FKBP10: variants seen among roughly 807,000 people sequenced by gnomAD.
FKBP10 encodes the protein peptidyl-prolyl cis-trans isomerase FKBP10.
A neutral mutation model predicts 53.7 loss-of-function variants in FKBP10; 34 were observed. That is an observed-to-expected ratio of 0.63 (90% CI 0.48 to 0.84). FKBP10 has a LOEUF of 0.84. Among genes scored for constraint, FKBP10 ranks in the 40% least tolerant of loss-of-function variants. FKBP10 has a pLI of 0.00. For missense variants in FKBP10, 748 were observed against 797.8 expected (o/e 0.94, Z 0.75); for synonymous variants, 324 against 335.7 (o/e 0.97, Z 0.38).
Position 41,813,078 on chromosome 17 carries a change from C to A in FKBP10, c.44C>A (p.Pro15His). ...CCCAGCCACAGCCTCCTCCGGCTCCCCCTGCTGCAGTTGCTGCTACTGGTG... is the reference window on the plus strand; with the variant it reads ...CCCAGCCACAGCCTCCTCCGGCTCCACCTGCTGCAGTTGCTGCTACTGGTG... The part of the protein sequence containing the change: ...GPPSHSLLRL[P>H]LLQLLLLVVQ... The change falls in exon 1 of 10, where the codon CCC becomes CAC. Residue 15 changes from proline (P) to histidine (H), a missense_variant. Physicochemically the swap from Pro to His is moderately conservative, Grantham distance 77. Transcript: ENST00000321562. The A allele has an allele frequency of 6.2e-7, 1 of 1,610,714 alleles. No homozygotes were observed. The highest frequency in any genetic ancestry group is 8.5e-7 in the Non-Finnish European group (1 of 1,179,710).
Position 41,819,576 on chromosome 17 carries a change from A to T in FKBP10, c.964A>T (p.Ile322Phe), listed in dbSNP as rs782177446. The change falls in exon 6 of 10, where the codon ATC becomes TTC. Residue 322 changes from isoleucine (I) to phenylalanine (F), a missense_variant. Ile to Phe is a conservative substitution (Grantham distance 21). Transcript: ENST00000321562. ...CAATACCTATATCGGGCAGGGTTAC[A>T]TCATCCCCGGGATGGACCAGGGGCT... ...TYNTYIGQGY[I>F]IPGMDQGLQG... 6.2e-7 allele frequency: 1 copy of T among 1,614,066 alleles called. No homozygotes were observed. Among genetic ancestry groups the T allele is most frequent in the South Asian group, 1.1e-5 (1 of 91,066 alleles).
At chr17:41,819,020 G>C in intron 4 of FKBP10, 190 bp from the exon 5 acceptor site, 2 of 618,678 alleles carry the variant, frequency 3.2e-6, no homozygotes, top group Non-Finnish European at 5.7e-6. Flanking sequence ...AGTATGAGCC[G>C]GTGGTGGCCC....
chr17:41,813,698 ACT>A (rs1486345505), intron 1 of FKBP10, among the ~76,000 whole-genome samples: 1 of 151,756 alleles, frequency 6.6e-6, no homozygotes, highest in Non-Finnish European at 1.5e-5. Context: ...TTCTGGTTCC[ACT>A]GTTTTCAGTG....
chr17:41,818,370 C>T lies in FKBP10; in HGVS notation c.582-12C>T. 2 of 1,614,206 alleles carry T rather than the reference C, an allele frequency of 1.2e-6. No individual in the cohort carries two copies. The highest frequency in any genetic ancestry group is 1.1e-5 in the South Asian group (1 of 91,082). On this transcript the variant is annotated splice_polypyrimidine_tract_variant and intron_variant, in intron 3 of 9. Transcript: ENST00000321562. ...CAGCCTGCCTCTCCCACCTCCACCT[C>T]ATTTTCTGCAGCTACAGTAAGGGCG...
intron 4 of FKBP10, chr17:41,819,007 C>A: frequency 1.7e-6 from 1 of 596,286 alleles, no homozygotes; most frequent in Non-Finnish European, 3.0e-6. Flanking sequence ...CACACGAAGG[C>A]TCAGTATGAG....
chr17:41,819,681 G>C lies in FKBP10; in HGVS notation c.1063+6G>C. 6.3e-7 allele frequency: 1 copy of C among 1,594,822 alleles called. No homozygotes were observed. The highest frequency in any genetic ancestry group is 1.1e-5 in the South Asian group (1 of 88,768). ...CTATGGGGAGAATGGAACTGGTAGG[G>C]GCGTTCCCCAGCCACCACCTCAGCT... On this transcript the variant is annotated splice_donor_region_variant and intron_variant, in intron 6 of 9. Coordinates refer to ENST00000321562, the MANE Select transcript of FKBP10 (RefSeq NM_021939.4).
At position 41,821,730 on chromosome 17, in the gene FKBP10, C is replaced by CT. The variant is rs782532142; in HGVS notation, c.1477dup (p.Tyr493LeufsTer15). 6.2e-7 allele frequency: 1 copy of CT among 1,614,168 alleles called. No homozygotes were observed. The highest frequency in any genetic ancestry group is 8.5e-7 in the Non-Finnish European group (1 of 1,180,020). On this transcript the variant is annotated frameshift_variant, in exon 9 of 10. Transcript: ENST00000321562. LOFTEE classifies it high-confidence loss of function. ...CCCGGGAGGATGGGCTGCCCACAGG[C>CT]TACCTGTTTGTGTGGCACAAGGACC...
chr17:41,820,279 C>T lies in FKBP10; in HGVS notation c.1074C>T (p.Ile358=). 5 of 1,614,188 alleles carry T rather than the reference C, an allele frequency of 3.1e-6. No individual in the cohort carries two copies. The highest frequency in any genetic ancestry group is 4.2e-6 in the Non-Finnish European group (5 of 1,180,026). The change falls in exon 7 of 10, where the codon ATC becomes ATT. Residue 358 remains isoleucine, a synonymous_variant. Coordinates refer to ENST00000321562, the MANE Select transcript of FKBP10 (RefSeq NM_021939.4). ...AYGENGTGDK[I]PGSAVLIFNV... is the part of the protein sequence containing the mutation. Reference sequence around the variant, plus strand: ...CCATTCTGGCCTCAGGAGACAAGATCCCTGGCTCTGCCGTGCTAATCTTCA... The same window carrying T: ...CCATTCTGGCCTCAGGAGACAAGATTCCTGGCTCTGCCGTGCTAATCTTCA...
intron 1 of FKBP10, among the ~76,000 whole-genome samples, 155 bp from the exon 2 acceptor site, chr17:41,816,903 G>C (rs1227101068): frequency 3.3e-5 from 5 of 152,210 alleles, no homozygotes; most frequent in Non-Finnish European, 5.9e-5. Flanking sequence ...AGGGGGACTT[G>C]AAAAGGAGGT....
intron 6 of FKBP10, 166 bp from the exon 7 acceptor site, chr17:41,820,103 C>T: frequency 1.7e-6 from 2 of 1,210,004 alleles, no homozygotes; most frequent in Non-Finnish European, 1.2e-6. Flanking sequence ...GCCCCCTGCC[C>T]CAGTGAAAGT....
rs368309333 is a variant in FKBP10 at position 41,813,288 on chromosome 17, G to T, written c.245+9G>T. The T allele has an allele frequency of 3.1e-6, 5 of 1,613,402 alleles. No individual in the cohort carries two copies. The highest frequency in any genetic ancestry group is 2.2e-5 in the East Asian group (1 of 44,856). ...AAGAAGTTTGATTCAAGGTAACCCCGGTTGGGCGCCCCCGGATTCACCACT... is the reference window on the plus strand; with the variant it reads ...AAGAAGTTTGATTCAAGGTAACCCCTGTTGGGCGCCCCCGGATTCACCACT... On this transcript the variant is annotated intron_variant, in intron 1 of 9. Transcript: ENST00000321562.
At chr17:41,815,732 G>C (rs935109384) in intron 1 of FKBP10, among the ~76,000 whole-genome samples, 1 of 151,344 alleles carries the variant, frequency 6.6e-6, no homozygotes, top group Non-Finnish European at 1.5e-5. Flanking sequence ...TGGGATTACA[G>C]GCGTGAGCCA....
chr17:41,815,716 A>G (rs1164558171), intron 1 of FKBP10, among the ~76,000 whole-genome samples: 1 of 151,386 alleles, frequency 6.6e-6, no homozygotes, highest in East Asian at 1.9e-4. Context: ...CGGCCTCCCA[A>G]AGTGCTGGGA....
In FKBP10 at chr17:41,820,973, C is replaced by T. The variant is rs1373641830; in HGVS notation, c.1283C>T (p.Ala428Val). 24 of 1,611,958 alleles carry T rather than the reference C, an allele frequency of 1.5e-5. No homozygotes were observed. The highest frequency in any genetic ancestry group is 2.7e-5 in the African/African-American group (2 of 74,872). Residue 428 changes from alanine to valine, a missense_variant, in exon 8 of 10, where the codon GCG becomes GTG. Physicochemically the swap from Ala to Val is moderately conservative, Grantham distance 64. Transcript: ENST00000321562. ...CATGACTACGGGGCCCCCCAGGAGGCGACTCTCGGGGCCAACAAGGTGATC... is the reference window on the plus strand; with the variant it reads ...CATGACTACGGGGCCCCCCAGGAGGTGACTCTCGGGGCCAACAAGGTGATC... Reference protein sequence around the residue: ...TSHDYGAPQEATLGANKVIEG... With the variant: ...TSHDYGAPQEVTLGANKVIEG...
intron 2 of FKBP10, 97 bp downstream of exon 2, chr17:41,817,300 G>A: frequency 6.6e-7 from 1 of 1,515,960 alleles, no homozygotes; most frequent in South Asian, 1.2e-5. Flanking sequence ...GATGAGGAGT[G>A]ACTTGCCCAA....
Position 41,817,113 on chromosome 17 carries a change from G to A in FKBP10, c.301G>A (p.Gly101Ser). 2.5e-6 allele frequency: 4 copies of A among 1,614,164 alleles called. No homozygotes were observed. The highest frequency in any genetic ancestry group is 3.4e-6 in the Non-Finnish European group (4 of 1,180,054). ...IVVGVGRLIT[G>S]MDRGLMGMCV... ...GGTGGGTGTGGGGCGCCTCATCACT[G>A]GCATGGACCGAGGCCTCATGGGCAT... Residue 101 changes from glycine (G) to serine (S), a missense_variant, in exon 2 of 10, where the codon GGC (glycine) becomes AGC (serine). Gly to Ser is a moderately conservative substitution (Grantham distance 56, BLOSUM62 0). Coordinates refer to ENST00000321562, the MANE Select transcript of FKBP10 (RefSeq NM_021939.4).
chr17:41,818,796 A>G (rs1448333674), intron 4 of FKBP10: 3 of 451,938 alleles, frequency 6.6e-6, no homozygotes, highest in Non-Finnish European at 1.2e-5. Context: ...TCTACTAAAA[A>G]TACAAAAAAA....
Position 41,818,126 on chromosome 17 carries a change from T to G in FKBP10, c.429T>G (p.Asp143Glu), listed in dbSNP as rs141427325. The change falls in exon 3 of 10, where the codon GAT becomes GAG. Residue 143 changes from aspartate (D) to glutamate (E), a missense_variant. Transcript: ENST00000321562. ...LIPPDATLYF[D>E]VVLLDVWNKE... ...CACCGGATGCCACCCTCTACTTCGA[T>G]GTGGTTCTGCTGGATGTGTGGAACA... 123 of 1,613,594 alleles carry G rather than the reference T, an allele frequency of 7.6e-5. No homozygotes were observed. Among genetic ancestry groups the G allele is most frequent in the Non-Finnish European group, 9.7e-5 (115 of 1,179,882 alleles).
chr17:41,820,032 C>T, intron 6 of FKBP10: 2 of 1,468,778 alleles, frequency 1.4e-6, no homozygotes, highest in Middle Eastern at 3.5e-4. Context: ...GGGTAAGTTA[C>T]TGGGAGTTTG....
Sources: gnomAD v4.1 joint callset for allele counts (sites outside exome capture counted in the v4.1 genomes callset) on GRCh38, gnomAD v4.1.1 for gene constraint, MANE v1.5 for transcripts, NCBI Gene and HGNC (gene_info 2026-07-23, HGNC 2026-07-21) for gene names.